PUM2: variants seen among roughly 807,000 people sequenced by gnomAD.
The protein encoded by PUM2 is pumilio RNA binding family member 2, also known as pumilio homolog 2.
PUM2 carries 57 observed loss-of-function variants against 124.5 expected under a neutral mutation model. The observed-to-expected ratio is 0.46, with a 90% CI of 0.37 to 0.57. The LOEUF is 0.57. Ranked by LOEUF, PUM2 falls within the 20% of genes least tolerant of loss-of-function variation. The pLI, the probability that PUM2 is intolerant of heterozygous loss-of-function variation, is 0.00. For missense variants in PUM2, 1,065 were observed against 1,290.6 expected, an observed-to-expected ratio of 0.83 and a Z score of 2.68; for synonymous variants, 460 against 446.1, an observed-to-expected ratio of 1.03 and a Z score of -0.39.
intron 11 of PUM2, 36 bp from the exon 12 acceptor site, chr2:20,283,267 C>G: frequency 6.2e-7 from 1 of 1,606,280 alleles, no homozygotes. Flanking sequence ...TTTAAACCAC[C>G]CAGAAAATTC....
Position 20,277,849 on chromosome 2 carries a change from A to T in PUM2, c.1957+734T>A, listed in dbSNP as rs144448288. 4.6e-5 allele frequency among the ~76,000 whole-genome samples: 7 copies of T among 152,268 alleles called. No homozygotes were observed. In the East Asian group the frequency reaches 1.3e-3, roughly 29 times the overall value. On this transcript the variant is annotated intron_variant, in intron 13 of 20. Transcript: ENST00000361078. ...TTTTAAAAAAATAATTTCTTTGACAAGATAGGGATTCATACACAGCCCCTG... is the reference window on the plus strand; with the variant it reads ...TTTTAAAAAAATAATTTCTTTGACATGATAGGGATTCATACACAGCCCCTG...
At chr2:20,296,422 GA>G (rs1177699843) in intron 8 of PUM2, among the ~76,000 whole-genome samples, 2 of 151,994 alleles carry the variant, frequency 1.3e-5, no homozygotes, top group African/African-American at 2.4e-5. Flanking sequence ...GTGAACCCGG[GA>G]GGCGGAGCTT....
intron 9 of PUM2, among the ~76,000 whole-genome samples, chr2:20,293,101 A>AAC (rs1674618986): frequency 6.6e-6 from 1 of 152,344 alleles, no homozygotes; most frequent in South Asian, 2.1e-4. Flanking sequence ...TTTTTAAAAG[A>AAC]ACACAGGATT....
chr2:20,352,225 C>T (rs1689409012), upstream of PUM2: 1 of 152,282 alleles, frequency 6.6e-6, no homozygotes, highest in Non-Finnish European at 1.5e-5. Flanking sequence ...TCTGCCTCCT[C>T]ACTAATGCTA....
chr2:20,276,965 T>A (rs1161901680), intron 13 of PUM2, among the ~76,000 whole-genome samples: 1 of 152,126 alleles, frequency 6.6e-6, no homozygotes, highest in East Asian at 1.9e-4. Flanking sequence ...TAGGCTGCTT[T>A]CTTTACAACC....
intron 13 of PUM2, among the ~76,000 whole-genome samples, chr2:20,278,258 TTC>T (rs760319064): frequency 7.9e-5 from 12 of 152,132 alleles, no homozygotes; most frequent in East Asian, 1.9e-4. Context: ...ATAGTGAAAT[TTC>T]TCTTTCACTA....
chr2:20,273,151 C>G (rs1278023265), intron 13 of PUM2, among the ~76,000 whole-genome samples: 1 of 152,174 alleles, frequency 6.6e-6, no homozygotes, highest in African/African-American at 2.4e-5. Context: ...CAAATTATTT[C>G]AAGTCAGTGT....
At chr2:20,259,063 G>C (rs142737734) in intron 15 of PUM2, among the ~76,000 whole-genome samples, 1 of 152,094 alleles carries the variant, frequency 6.6e-6, no homozygotes, top group East Asian at 1.9e-4. Context: ...TGATATGATT[G>C]AGGAAAAAAC....
rs1666710522 is a variant in PUM2 at position 20,263,183 on chromosome 2, A to C, written c.2225+10T>G. The C allele has an allele frequency of 6.3e-7, 1 of 1,574,870 alleles. No homozygotes were observed. The highest frequency in any genetic ancestry group is 1.7e-5 in the Admixed American group (1 of 58,898). Reference sequence around the variant, plus strand: ...GCAAAAATGAAGTGAGAAATATCATAATCACCTACCTAGAACCATGCTGGT... The same window carrying C: ...GCAAAAATGAAGTGAGAAATATCATCATCACCTACCTAGAACCATGCTGGT... On this transcript the variant is annotated intron_variant, in intron 14 of 20. Transcript: ENST00000361078.
At chr2:20,278,877 T>C in intron 12 of PUM2, 58 bp from the exon 13 acceptor site, 1 of 1,269,178 alleles carries the variant, frequency 7.9e-7, no homozygotes, top group East Asian at 2.3e-5. Context: ...ATAAAATCTA[T>C]CCCCAACTCT....
At chr2:20,336,986 TTA>T (rs1175283165) in intron 1 of PUM2, among the ~76,000 whole-genome samples, 2 of 152,216 alleles carry the variant, frequency 1.3e-5, no homozygotes, top group African/African-American at 4.8e-5. Context: ...GAGTAAGACA[TTA>T]TATGATTCAT....
chr2:20,341,172 C>G (rs1216458905), intron 1 of PUM2, among the ~76,000 whole-genome samples: 1 of 152,040 alleles, frequency 6.6e-6, no homozygotes, highest in Non-Finnish European at 1.5e-5. Context: ...CTCTGCACAG[C>G]CCCCCTCTCC....
At chr2:20,254,318 G>A (rs936118233) in intron 19 of PUM2, among the ~76,000 whole-genome samples, 2 of 151,902 alleles carry the variant, frequency 1.3e-5, no homozygotes, top group South Asian at 2.1e-4. Flanking sequence ...GCGCCACCAC[G>A]CCTGGATAAT....
rs1689240009 is a variant in PUM2 at position 20,350,827 on chromosome 2, C to A, written c.-249G>T. ...AGACTCACAACAACATGGCTGCCAC[C>A]GCCGCCTGCCCTCCCCTCCCCCCCG... is the stretch of plus-strand genomic sequence containing the variant. On this transcript the variant is annotated 5_prime_UTR_variant, in exon 1 of 21. Coordinates refer to ENST00000361078, the MANE Select transcript of PUM2 (RefSeq NM_015317.5). 1.0e-6 allele frequency: 1 copy of A among 978,700 alleles called. No individual in the cohort carries two copies. The highest frequency in any genetic ancestry group is 1.8e-5 in the African/African-American group (1 of 57,052). 60.6% of individuals were successfully genotyped at this position (978,700 alleles called of 1,614,324 possible).
chr2:20,324,411 CAAAAT>C (rs1683171365), intron 2 of PUM2, among the ~76,000 whole-genome samples: 1 of 152,112 alleles, frequency 6.6e-6, no homozygotes, highest in South Asian at 2.1e-4. Context: ...AAGATATTCT[CAAAAT>C]AAAAGATATT....
chr2:20,350,721 C>G lies in PUM2; in HGVS notation c.-143G>C. On this transcript the variant is annotated 5_prime_UTR_variant, in exon 1 of 21. Coordinates refer to ENST00000361078, the MANE Select transcript of PUM2 (RefSeq NM_015317.5). The stretch of plus-strand genomic sequence containing the variant: ...CGGCAATGTCTTCTTTCTCCACCTA[C>G]CACCCTCCCCCCCCACCCCACCTCC... 1 of 965,284 alleles carries G rather than the reference C, an allele frequency of 1.0e-6. No homozygotes were observed. The allele number at this position is 965,284 out of a possible 1,614,324, so 59.8% of individuals were successfully genotyped here.
At chr2:20,346,517 A>G (rs72788904) in intron 1 of PUM2, among the ~76,000 whole-genome samples, 11,032 of 152,256 alleles carry the variant, frequency 0.072, 435 homozygotes, top group Non-Finnish European at 0.088. Flanking sequence ...GTCTGAATGA[A>G]TAAGACCAAT....
chr2:20,265,423 C>T (rs1344046868), intron 13 of PUM2, among the ~76,000 whole-genome samples: 1 of 152,204 alleles, frequency 6.6e-6, no homozygotes, highest in African/African-American at 2.4e-5. Context: ...AGCCTTTCCA[C>T]TTCCATTATT....
chr2:20,332,470 T>A (rs1398575227), intron 1 of PUM2, among the ~76,000 whole-genome samples: 2 of 150,984 alleles, frequency 1.3e-5, no homozygotes, highest in African/African-American at 4.9e-5. Flanking sequence ...GTTTAGGGTG[T>A]TACTGTTTAT....
Sources: gnomAD v4.1 joint callset for allele counts (sites outside exome capture counted in the v4.1 genomes callset) on GRCh38, gnomAD v4.1.1 for gene constraint, MANE v1.5 for transcripts, NCBI Gene and HGNC (gene_info 2026-07-23, HGNC 2026-07-21) for gene names.